The following PRR5L variants were observed in gnomAD, a reference collection of about 807,000 sequenced individuals.
The protein encoded by PRR5L is proline-rich protein 5-like.
Under a neutral mutation model 36.4 loss-of-function variants are expected in PRR5L, and 21 were observed. The observed-to-expected ratio is 0.58, with a 90% CI of 0.41 to 0.83. PRR5L has a LOEUF of 0.83. PRR5L is among the 40% of genes least tolerant of loss of function. The pLI is 0.00. For synonymous variants in PRR5L, 188 were observed against 197.0 expected (o/e 0.95, Z 0.38); for missense variants, 381 against 473.3 (o/e 0.80, Z 1.81).
At chr11:36,458,011 G>A (rs556124760) in intron 8 of PRR5L, among the ~76,000 whole-genome samples, 1 of 152,220 alleles carries the variant, frequency 6.6e-6, no homozygotes. Flanking sequence ...AGTAATACAG[G>A]TATTATAAGA....
chr11:36,361,226 A>G (rs938429110), intron 1 of PRR5L, among the ~76,000 whole-genome samples: 10 of 152,206 alleles, frequency 6.6e-5, no homozygotes, highest in African/African-American at 2.4e-4. Context: ...TGGCATTGGT[A>G]TTGCAACAGA....
intron 4 of PRR5L, among the ~76,000 whole-genome samples, chr11:36,426,568 G>C (rs183723666): frequency 6.6e-6 from 1 of 152,330 alleles, no homozygotes; most frequent in Non-Finnish European, 1.5e-5. Flanking sequence ...GAATATAATA[G>C]GGGAAAGATA....
chr11:36,372,295 G>C (rs1003271361), intron 1 of PRR5L, among the ~76,000 whole-genome samples: 14 of 152,050 alleles, frequency 9.2e-5, no homozygotes, highest in African/African-American at 3.4e-4. Context: ...GGAATGGGGT[G>C]GGCAGGCATT....
In PRR5L at chr11:36,427,428, G is replaced by A. The variant is rs529577736; in HGVS notation, c.295-4425G>A. Among the ~76,000 whole-genome samples, 6 of 152,084 alleles carry A rather than the reference G, an allele frequency of 3.9e-5. No homozygotes were observed. The South Asian group carries it at 1.2e-3, about 32-fold the overall frequency. On this transcript the variant is annotated intron_variant, in intron 4 of 8. Transcript: ENST00000530639. The stretch of plus-strand genomic sequence containing the variant: ...GGTTGGTGCCATCAGGCAAGGAGTG[G>A]GACAAGAGAAACTTGGGTCATCTCC...
rs57825595 is a variant in PRR5L, at chr11:36,374,092, T to G, written c.-125-26905T>G. Among the ~76,000 whole-genome samples, 363 of 103,296 alleles carry G rather than the reference T, an allele frequency of 3.5e-3. 5 individuals carry two copies. The highest frequency in any genetic ancestry group is 0.018 in the South Asian group (52 of 2,958). 67.8% of individuals were successfully genotyped at this position (103,296 alleles called of 152,430 possible). Reference sequence around the variant, plus strand: ...TTCCTTCCTTCCTTCCTTCCTTCCTTCCTTCCTTCCTTCCTCTCTCTCTCT... The same window carrying G: ...TTCCTTCCTTCCTTCCTTCCTTCCTGCCTTCCTTCCTTCCTCTCTCTCTCT... On this transcript the variant is annotated intron_variant, in intron 1 of 8. Transcript: ENST00000530639.
At chr11:36,315,122 A>G (rs896077208) in intron 1 of PRR5L, among the ~76,000 whole-genome samples, 2 of 152,200 alleles carry the variant, frequency 1.3e-5, no homozygotes, top group Non-Finnish European at 2.9e-5. Context: ...AGGGCTATCT[A>G]GACGGCACTA....
chr11:36,446,495 A>G (rs758322411), intron 7 of PRR5L, 55 bp downstream of exon 7: 16 of 1,601,038 alleles, frequency 1.0e-5, no homozygotes, highest in Non-Finnish European at 1.4e-5. Context: ...GAGGGAAGAG[A>G]TTGCCTTTCT....
At chr11:36,322,977 G>A (rs891074651) in intron 1 of PRR5L, among the ~76,000 whole-genome samples, 10 of 152,162 alleles carry the variant, frequency 6.6e-5, no homozygotes, top group South Asian at 2.1e-4. Flanking sequence ...GACACCAGAA[G>A]CTAAGAGAAA....
At chr11:36,411,265 C>A (rs1858020323) in intron 3 of PRR5L, among the ~76,000 whole-genome samples, 1 of 152,206 alleles carries the variant, frequency 6.6e-6, no homozygotes, top group African/African-American at 2.4e-5. Flanking sequence ...TCTCCACCAG[C>A]TTGATTCCAG....
At chr11:36,404,316 G>A (rs1857865884) in intron 3 of PRR5L, among the ~76,000 whole-genome samples, 1 of 149,108 alleles carries the variant, frequency 6.7e-6, no homozygotes. Context: ...CTGTTACCCA[G>A]GCTGGAGTGC....
intron 1 of PRR5L, among the ~76,000 whole-genome samples, chr11:36,338,805 C>T (rs370007616): frequency 3.3e-5 from 5 of 152,072 alleles, no homozygotes; most frequent in African/African-American, 9.7e-5. Context: ...TGGCTCACTG[C>T]GACCTCCGTG....
At chr11:36,332,874 C>A (rs999539432) in intron 1 of PRR5L, among the ~76,000 whole-genome samples, 1 of 152,192 alleles carries the variant, frequency 6.6e-6, no homozygotes, top group African/African-American at 2.4e-5. Context: ...ACTTCTTGTA[C>A]AGCTTGCAGA....
At position 36,464,114 on chromosome 11, in the gene PRR5L, C is replaced by T. The variant is rs190840130; in HGVS notation, c.*1378C>T. The T allele has an allele frequency of 1.3e-5, 2 of 152,324 alleles. No individual in the cohort carries two copies. Among genetic ancestry groups the T allele is most frequent in the African/African-American group, 4.8e-5 (2 of 41,570 alleles). The allele number at this position is 152,324 out of a possible 1,614,324, so 9.4% of individuals were successfully genotyped here. On this transcript the variant is annotated 3_prime_UTR_variant, in exon 9 of 9. Coordinates refer to ENST00000530639, the MANE Select transcript of PRR5L (RefSeq NM_001160167.2). ...GTGCTGCATCCTTCTACTGCTCCCT[C>T]CAGGTCTGGGGGCTTTTATCCACCT...
At chr11:36,411,259 C>T (rs1222468505) in intron 3 of PRR5L, among the ~76,000 whole-genome samples, 1 of 152,314 alleles carries the variant, frequency 6.6e-6, no homozygotes, top group African/African-American at 2.4e-5. Flanking sequence ...TGCGCCTCTC[C>T]ACCAGCTTGA....
At chr11:36,422,830 T>C (rs1858298008) in intron 4 of PRR5L, among the ~76,000 whole-genome samples, 1 of 152,138 alleles carries the variant, frequency 6.6e-6, no homozygotes, top group South Asian at 2.1e-4. Context: ...TTTCCCTCTG[T>C]TTTGAATTGT....
chr11:36,423,068 C>T (rs774220673), intron 4 of PRR5L, among the ~76,000 whole-genome samples: 1 of 151,992 alleles, frequency 6.6e-6, no homozygotes, highest in Non-Finnish European at 1.5e-5. Flanking sequence ...AAGCTTTTGC[C>T]CCAAGCCCAG....
intron 1 of PRR5L, among the ~76,000 whole-genome samples, chr11:36,339,333 A>T (rs974067189): frequency 6.6e-6 from 1 of 152,220 alleles, no homozygotes; most frequent in Non-Finnish European, 1.5e-5. Flanking sequence ...ACCTCAGACG[A>T]TCCACTCACC....
chr11:36,413,679 CTTTAT>C (rs928038837), intron 3 of PRR5L, among the ~76,000 whole-genome samples: 26 of 148,406 alleles, frequency 1.8e-4, no homozygotes, highest in African/African-American at 5.9e-4. Context: ...ATACTGTATA[CTTTAT>C]TTTATTTATT....
intron 8 of PRR5L, among the ~76,000 whole-genome samples, chr11:36,459,849 T>C (rs1253325417): frequency 6.6e-6 from 1 of 152,188 alleles, no homozygotes; most frequent in Non-Finnish European, 1.5e-5. Context: ...CCATCTTCAT[T>C]TTCAGAGAGG....
Sources: allele counts gnomAD v4.1 joint callset (sites outside exome capture counted in the v4.1 genomes callset), GRCh38; gene constraint gnomAD v4.1.1; transcripts MANE v1.5; gene names NCBI Gene and HGNC (gene_info 2026-07-23, HGNC 2026-07-21).